The following SV2C variants were observed in gnomAD, a reference collection of about 807,000 sequenced individuals.
SV2C encodes solute carrier family 22 member B3.
In SV2C, 49 loss-of-function variants were observed where a neutral mutation model predicts 79.7. That is an observed-to-expected ratio of 0.61 (90% confidence interval 0.49 to 0.78). SV2C has a LOEUF of 0.78. SV2C is among the 30% of genes least tolerant of loss of function. SV2C has a pLI of 0.00. For missense variants in SV2C, 833 were observed against 912.9 expected (o/e 0.91, Z 1.13); for synonymous variants, 334 against 333.2 (o/e 1.00, Z -0.03).
chr5:76,026,980 A>C, the SV2C span, among the ~76,000 whole-genome samples: 1 of 149,902 alleles, frequency 6.7e-6, no homozygotes, highest in Non-Finnish European at 1.5e-5. Context: ...TAAGGGAATT[A>C]CTCTGCCAGC....
chr5:76,037,684 T>C, the SV2C span, among the ~76,000 whole-genome samples: 1 of 152,194 alleles, frequency 6.6e-6, no homozygotes, highest in African/African-American at 2.4e-5. Context: ...CTGCAGAGGT[T>C]ACTGCTGTCT....
At chr5:76,227,755 A>G (rs1327913203) in intron 4 of SV2C, among the ~76,000 whole-genome samples, 1 of 152,152 alleles carries the variant, frequency 6.6e-6, no homozygotes, top group African/African-American at 2.4e-5. Context: ...AGTTCCATCT[A>G]GTTCTGATCA....
chr5:75,986,878 C>T, the SV2C span, among the ~76,000 whole-genome samples: 1 of 151,954 alleles, frequency 6.6e-6, no homozygotes, highest in Non-Finnish European at 1.5e-5. Flanking sequence ...AGGCAGAGGC[C>T]AGATGCATTT....
chr5:75,848,262 AGCTCTGAGC>A, the SV2C span, among the ~76,000 whole-genome samples: 1 of 152,236 alleles, frequency 6.6e-6, no homozygotes, highest in African/African-American at 2.4e-5. Flanking sequence ...TGTTGTCAAG[AGCTCTGAGC>A]CCTGCTCAAG....
the SV2C span, among the ~76,000 whole-genome samples, chr5:75,898,955 T>C: frequency 2.9e-3 from 434 of 147,278 alleles, no homozygotes; most frequent in African/African-American, 0.011. Flanking sequence ...TGATTCTTCT[T>C]TCTTTTTTTC....
chr5:76,201,482 G>A (rs1456617132), intron 3 of SV2C, among the ~76,000 whole-genome samples: 6 of 152,280 alleles, frequency 3.9e-5, no homozygotes, highest in South Asian at 4.1e-4. Context: ...TCTGTATATC[G>A]TAAATGAAAG....
chr5:76,002,188 ATAATATTTTC>A, the SV2C span, among the ~76,000 whole-genome samples: 1 of 144,208 alleles, frequency 6.9e-6, no homozygotes, highest in Non-Finnish European at 1.5e-5. Flanking sequence ...ATATATATAT[ATAATATTTTC>A]TTTATGCATT....
chr5:76,094,566 C>T (rs991311567), intron 1 of SV2C, among the ~76,000 whole-genome samples: 1 of 151,976 alleles, frequency 6.6e-6, no homozygotes, highest in African/African-American at 2.4e-5. Flanking sequence ...CTCTGTTTAT[C>T]TGTTGGTAGA....
At position 76,252,270 on chromosome 5, in the gene SV2C, C is replaced by A. The variant is rs189878432; in HGVS notation, c.914-32892C>A. 1.4e-3 allele frequency among the ~76,000 whole-genome samples: 220 copies of A among 152,284 alleles called. 2 individuals carry two copies. The highest frequency in any genetic ancestry group is 4.7e-3 in the African/African-American group (194 of 41,560). On this transcript the variant is annotated intron_variant, in intron 4 of 12. Transcript: ENST00000502798. Reference sequence around the variant, plus strand: ...AAGTAGCTGGGACTACAGGCTCCCACCACCATGCCCAGCTAATTTTTTGTA... The same window carrying A: ...AAGTAGCTGGGACTACAGGCTCCCAACACCATGCCCAGCTAATTTTTTGTA...
intron 4 of SV2C, among the ~76,000 whole-genome samples, chr5:76,258,013 T>G (rs902831272): frequency 1.6e-4 from 24 of 148,742 alleles, no homozygotes; most frequent in Non-Finnish European, 7.4e-5. Context: ...GGTGTGTGTG[T>G]AGTGTGTGGG....
the SV2C span, among the ~76,000 whole-genome samples, chr5:75,856,855 A>G: frequency 6.6e-6 from 1 of 152,140 alleles, no homozygotes; most frequent in Non-Finnish European, 1.5e-5. Flanking sequence ...GAACATTAGT[A>G]AAAAAATATT....
chr5:76,223,969 C>CA (rs900255961), intron 4 of SV2C, among the ~76,000 whole-genome samples: 6 of 152,138 alleles, frequency 3.9e-5, no homozygotes, highest in African/African-American at 1.2e-4. Flanking sequence ...TATAAGGCCA[C>CA]AGTCCTGTCA....
chr5:76,233,494 G>C (rs1490475177), intron 4 of SV2C, among the ~76,000 whole-genome samples: 1 of 142,450 alleles, frequency 7.0e-6, no homozygotes, highest in Non-Finnish European at 1.5e-5. Flanking sequence ...GGAGTGGTGA[G>C]AGAGGGCATC....
chr5:76,290,411 C>T (rs1747520880), intron 6 of SV2C, among the ~76,000 whole-genome samples: 1 of 152,160 alleles, frequency 6.6e-6, no homozygotes, highest in African/African-American at 2.4e-5. Flanking sequence ...TACACATTTC[C>T]ATGTCCTCTC....
chr5:76,315,867 G>C (rs1326686907), intron 12 of SV2C, among the ~76,000 whole-genome samples: 1 of 152,196 alleles, frequency 6.6e-6, no homozygotes, highest in Admixed American at 6.5e-5. Flanking sequence ...AGCATACTTT[G>C]CTGGCCTCAG....
At chr5:75,971,583 A>C in the SV2C span, among the ~76,000 whole-genome samples, 1 of 152,152 alleles carries the variant, frequency 6.6e-6, no homozygotes, top group Admixed American at 6.5e-5. Context: ...CAATTGCTTC[A>C]AAGAGAATAA....
At chr5:76,053,400 C>T in the SV2C span, among the ~76,000 whole-genome samples, 3 of 147,352 alleles carry the variant, frequency 2.0e-5, no homozygotes, top group African/African-American at 7.5e-5. Flanking sequence ...ATACTTTGAT[C>T]CTATGGTTCT....
chr5:76,306,809 C>CTAA (rs1252214295), intron 12 of SV2C, among the ~76,000 whole-genome samples: 3 of 152,174 alleles, frequency 2.0e-5, no homozygotes, highest in Non-Finnish European at 2.9e-5. Context: ...CTCAGCTTCA[C>CTAA]TAATAGTAAA....
chr5:76,194,197 G>GA (rs1744196302), intron 2 of SV2C, among the ~76,000 whole-genome samples: 1 of 152,096 alleles, frequency 6.6e-6, no homozygotes, highest in Non-Finnish European at 1.5e-5. Context: ...GGAGCTATAT[G>GA]AAAGACTCCC....
Sources: gnomAD v4.1 joint callset for allele counts (sites outside exome capture counted in the v4.1 genomes callset) on GRCh38, gnomAD v4.1.1 for gene constraint, MANE v1.5 for transcripts, NCBI Gene and HGNC (gene_info 2026-07-23, HGNC 2026-07-21) for gene names.